The following ZC3H12B variants were observed in gnomAD, a reference collection of about 807,000 sequenced individuals.
ZC3H12B encodes zinc finger CCCH-type containing 12B, also known as probable ribonuclease ZC3H12B.
A neutral mutation model predicts 43.9 loss-of-function variants in ZC3H12B; 7 were observed. That is an observed-to-expected ratio of 0.16 (90% CI 0.09 to 0.30). ZC3H12B has a LOEUF of 0.30. Among genes scored for constraint, ZC3H12B ranks in the 10% least tolerant of loss-of-function variants. The pLI is 1.00. For synonymous variants in ZC3H12B, 222 were observed against 241.7 expected, an observed-to-expected ratio of 0.92 and a Z score of 0.76; for missense variants, 475 against 670.2, an observed-to-expected ratio of 0.71 and a Z score of 3.22.
the ZC3H12B span, among the ~76,000 whole-genome samples, chrX:65,229,036 T>C: frequency 2.7e-4 from 30 of 110,703 alleles, no homozygotes; most frequent in African/African-American, 9.9e-4. Flanking sequence ...AAAACTACTT[T>C]AAAGTTCATA....
At chrX:65,389,089 C>G (rs1352776853) in intron 2 of ZC3H12B, among the ~76,000 whole-genome samples, 1 of 112,098 alleles carries the variant, frequency 8.9e-6, no homozygotes, top group Admixed American at 9.4e-5. Context: ...GGTTCAGGGA[C>G]CAATTTGAGG....
At chrX:65,178,048 C>G in the ZC3H12B span, among the ~76,000 whole-genome samples, 1 of 112,093 alleles carries the variant, frequency 8.9e-6, no homozygotes, top group African/African-American at 3.2e-5. Context: ...CAGCATGGTA[C>G]TGGTACAAAA....
the ZC3H12B span, among the ~76,000 whole-genome samples, chrX:65,279,322 T>C: frequency 9.2e-6 from 1 of 108,694 alleles, no homozygotes; most frequent in Admixed American, 9.9e-5. Context: ...TTTTGCTTTT[T>C]AACAATAGCC....
At chrX:65,210,983 G>A in the ZC3H12B span, among the ~76,000 whole-genome samples, 1 of 62,510 alleles carries the variant, frequency 1.6e-5, no homozygotes, top group Non-Finnish European at 2.8e-5. Flanking sequence ...TGACACATTA[G>A]TGGGTGCAGT....
At chrX:65,052,415 C>T in the ZC3H12B span, among the ~76,000 whole-genome samples, 4 of 110,849 alleles carry the variant, frequency 3.6e-5, no homozygotes, top group Admixed American at 9.6e-5. Flanking sequence ...AGGTCTTCTT[C>T]GTTCTTTTTA....
At chrX:65,337,249 C>T in the ZC3H12B span, among the ~76,000 whole-genome samples, 1 of 111,748 alleles carries the variant, frequency 8.9e-6, no homozygotes, top group Non-Finnish European at 1.9e-5. Flanking sequence ...AGTATCGTCC[C>T]TTTGGGGTTC....
the ZC3H12B span, among the ~76,000 whole-genome samples, chrX:65,281,635 A>G: frequency 8.9e-6 from 1 of 112,047 alleles, no homozygotes; most frequent in East Asian, 2.8e-4. Context: ...GCAGAACGAA[A>G]CTAGACTCCC....
chrX:65,160,536 A>G, the ZC3H12B span, among the ~76,000 whole-genome samples: 1 of 111,451 alleles, frequency 9.0e-6, no homozygotes, highest in Non-Finnish European at 1.9e-5. Context: ...TAGATTTTCT[A>G]GTTTATTTGC....
chrX:65,121,271 G>A, the ZC3H12B span, among the ~76,000 whole-genome samples: 13 of 111,121 alleles, frequency 1.2e-4, no homozygotes, highest in African/African-American at 2.6e-4. Context: ...CTGTGAATCC[G>A]TCTGGTCCTG....
At chrX:65,431,445 G>T (rs1195551649) in intron 3 of ZC3H12B, among the ~76,000 whole-genome samples, 1 of 112,295 alleles carries the variant, frequency 8.9e-6, no homozygotes, top group African/African-American at 3.2e-5. Flanking sequence ...GCCAAGTTGG[G>T]CTTGGTGAGT....
the ZC3H12B span, among the ~76,000 whole-genome samples, chrX:65,142,568 C>A: frequency 8.9e-6 from 1 of 112,225 alleles, no homozygotes; most frequent in South Asian, 3.6e-4. Flanking sequence ...TCATGAAATT[C>A]TTGCCTAAAC....
chrX:65,411,545 G>C (rs2066903144), intron 3 of ZC3H12B, among the ~76,000 whole-genome samples: 1 of 110,137 alleles, frequency 9.1e-6, no homozygotes, highest in Non-Finnish European at 1.9e-5. Context: ...GACCAACATG[G>C]TGAAAACCCG....
the ZC3H12B span, among the ~76,000 whole-genome samples, chrX:65,276,453 C>A: frequency 9.0e-6 from 1 of 110,889 alleles, no homozygotes; most frequent in African/African-American, 3.3e-5. Context: ...AAGAGAAAAG[C>A]ATCAAGTCAC....
the ZC3H12B span, among the ~76,000 whole-genome samples, chrX:65,156,765 C>T: frequency 3.1e-4 from 34 of 110,957 alleles, no homozygotes; most frequent in South Asian, 0.01. Flanking sequence ...ATCCTCCCAC[C>T]TCAAACTCCC....
intron 1 of ZC3H12B, among the ~76,000 whole-genome samples, chrX:65,491,905 C>G (rs1380352463): frequency 9.1e-6 from 1 of 109,463 alleles, no homozygotes; most frequent in East Asian, 2.8e-4. Context: ...GGTCTGCACA[C>G]AATACTACAG....
chrX:65,123,198 T>G, the ZC3H12B span, among the ~76,000 whole-genome samples: 1 of 88,484 alleles, frequency 1.1e-5, no homozygotes, highest in East Asian at 2.8e-4. Flanking sequence ...GTGGTTTTTG[T>G]CTTGGTTCTG....
At chrX:65,319,650 T>A in the ZC3H12B span, among the ~76,000 whole-genome samples, 1 of 110,661 alleles carries the variant, frequency 9.0e-6, no homozygotes, top group African/African-American at 3.3e-5. Flanking sequence ...ATATCCTAGA[T>A]GAATAAAGAC....
chrX:65,139,117 G>C, the ZC3H12B span, among the ~76,000 whole-genome samples: 1 of 111,965 alleles, frequency 8.9e-6, no homozygotes, highest in African/African-American at 3.2e-5. Flanking sequence ...TGTCTACTTT[G>C]TTTTTGTTGG....
At chrX:65,253,307 G>A in the ZC3H12B span, among the ~76,000 whole-genome samples, 14 of 112,212 alleles carry the variant, frequency 1.2e-4, no homozygotes, top group Non-Finnish European at 2.1e-4. Flanking sequence ...AACAACTCCT[G>A]GGGAAAAAGG....
Sources: allele counts gnomAD v4.1 joint callset (sites outside exome capture counted in the v4.1 genomes callset), GRCh38; gene constraint gnomAD v4.1.1; transcripts MANE v1.5; gene names NCBI Gene and HGNC (gene_info 2026-07-23, HGNC 2026-07-21).